The following LPAR1 variants were observed in gnomAD, a reference collection of about 807,000 sequenced individuals.
LPAR1 encodes the protein lysophosphatidic acid receptor 1, also known as LPA receptor 1.
A neutral mutation model predicts 23.8 loss-of-function variants in LPAR1; 5 were observed. That is an observed-to-expected ratio of 0.21 (90% CI 0.11 to 0.44). The LOEUF is 0.44. Among genes scored for constraint, LPAR1 ranks in the 20% least tolerant of loss-of-function variants. The pLI is 0.99. For synonymous variants in LPAR1, 160 were observed against 164.7 expected (o/e 0.97, Z 0.22); for missense variants, 311 against 482.8 (o/e 0.64, Z 3.33).
intron 5 of LPAR1, among the ~76,000 whole-genome samples, chr9:110,902,222 G>T (rs1166159548): frequency 6.6e-6 from 1 of 152,034 alleles, no homozygotes; most frequent in East Asian, 1.9e-4. Flanking sequence ...CTACCAGGCT[G>T]GCCAGCGGTA....
intron 2 of LPAR1, among the ~76,000 whole-genome samples, chr9:111,025,400 T>C (rs1013252270): frequency 1.3e-5 from 2 of 152,190 alleles, no homozygotes; most frequent in Admixed American, 6.5e-5. Context: ...GGAGTTCTTT[T>C]TTTCTTGTAA....
chr9:111,008,306 AAAC>A (rs1161470180), intron 2 of LPAR1, among the ~76,000 whole-genome samples: 2 of 152,214 alleles, frequency 1.3e-5, no homozygotes, highest in Non-Finnish European at 2.9e-5. Context: ...TCTAGCACAA[AAAC>A]ATGTAAAACT....
At chr9:110,927,194 T>G (rs1444583304) in intron 5 of LPAR1, among the ~76,000 whole-genome samples, 1 of 151,996 alleles carries the variant, frequency 6.6e-6, no homozygotes, top group Non-Finnish European at 1.5e-5. Context: ...CTAACGCCTT[T>G]GCAACTACAC....
At chr9:110,904,808 T>G (rs2090646072) in intron 5 of LPAR1, among the ~76,000 whole-genome samples, 1 of 152,236 alleles carries the variant, frequency 6.6e-6, no homozygotes, top group South Asian at 2.1e-4. Flanking sequence ...GTTTTAATTC[T>G]TCTCATCCAT....
At chr9:110,909,330 T>C (rs62573183) in intron 5 of LPAR1, among the ~76,000 whole-genome samples, 17,953 of 152,072 alleles carry the variant, frequency 0.12, 1,110 homozygotes, top group South Asian at 0.13. Flanking sequence ...TACATGATCC[T>C]AGCACCTTCT....
intron 4 of LPAR1, among the ~76,000 whole-genome samples, chr9:110,961,617 C>CAAAAAA (rs57773067): frequency 1.1e-4 from 9 of 79,842 alleles, no homozygotes; most frequent in East Asian, 3.8e-4. Context: ...GAGACTATCT[C>CAAAAAA]AAAAAAAAAA....
chr9:110,913,622 C>G (rs2092725659), intron 5 of LPAR1, among the ~76,000 whole-genome samples: 1 of 151,982 alleles, frequency 6.6e-6, no homozygotes. Context: ...AGTAGACCAG[C>G]AGATAAGCCT....
intron 3 of LPAR1, among the ~76,000 whole-genome samples, chr9:110,972,518 T>C (rs1588624397): frequency 6.6e-6 from 1 of 152,212 alleles, no homozygotes. Flanking sequence ...GGAAAAGCCA[T>C]CCTGCCATTA....
chr9:110,917,472 C>A (rs945453118), intron 5 of LPAR1, among the ~76,000 whole-genome samples: 1 of 152,188 alleles, frequency 6.6e-6, no homozygotes, highest in Non-Finnish European at 1.5e-5. Context: ...TATTAGAAAG[C>A]CACATGACTG....
chr9:111,016,669 T>G (rs1403639193), intron 2 of LPAR1, among the ~76,000 whole-genome samples: 1 of 152,232 alleles, frequency 6.6e-6, no homozygotes, highest in Non-Finnish European at 1.5e-5. Context: ...TTAATAACCT[T>G]GAACTTACTG....
At chr9:111,034,604 C>A (rs2097857868) in intron 2 of LPAR1, among the ~76,000 whole-genome samples, 1 of 152,226 alleles carries the variant, frequency 6.6e-6, no homozygotes, top group South Asian at 2.1e-4. Flanking sequence ...TATTCTACAA[C>A]CTTTATATAA....
At chr9:111,037,252 T>A (rs2097912417) in intron 1 of LPAR1, among the ~76,000 whole-genome samples, 1 of 152,168 alleles carries the variant, frequency 6.6e-6, no homozygotes, top group Admixed American at 6.5e-5. Flanking sequence ...TACCAATATC[T>A]ATCTAACCCC....
At chr9:110,933,878 A>G (rs2094538141) in intron 5 of LPAR1, among the ~76,000 whole-genome samples, 4 of 152,164 alleles carry the variant, frequency 2.6e-5, no homozygotes. Flanking sequence ...TTTCTGTTTA[A>G]ACGTTTCTTC....
At chr9:110,913,853 G>A (rs2092755974) in intron 5 of LPAR1, among the ~76,000 whole-genome samples, 1 of 152,162 alleles carries the variant, frequency 6.6e-6, no homozygotes, top group Admixed American at 6.5e-5. Flanking sequence ...TAGATGAAAG[G>A]TTACATGCTC....
chr9:110,943,576 A>G (rs10817117), intron 4 of LPAR1, among the ~76,000 whole-genome samples: 1,679 of 152,294 alleles, frequency 0.011, 20 homozygotes, highest in South Asian at 0.016. Flanking sequence ...AAGAGATCAC[A>G]GTCCAGGGCA....
rs1382013613 is a variant in LPAR1, at chr9:110,894,633, G to T, written c.794-18911C>A. On this transcript the variant is annotated intron_variant, in intron 5 of 5. Coordinates refer to ENST00000683809, the MANE Select transcript of LPAR1 (RefSeq NM_001351411.2). ...CATAGTCACAGAGTGACACCAGGCT[G>T]TCCTTTAATCTGAAACAATTCTGAA... 2.0e-5 allele frequency among the ~76,000 whole-genome samples: 3 copies of T among 152,200 alleles called. No homozygotes were observed. In the East Asian group the frequency reaches 5.8e-4, roughly 29 times the overall value.
intron 5 of LPAR1, among the ~76,000 whole-genome samples, chr9:110,925,547 C>T (rs1221926745): frequency 6.6e-6 from 1 of 152,088 alleles, no homozygotes; most frequent in Non-Finnish European, 1.5e-5. Flanking sequence ...AGTGGAATCC[C>T]CATATAGAAC....
intron 5 of LPAR1, among the ~76,000 whole-genome samples, chr9:110,884,876 G>A (rs2132754399): frequency 6.6e-6 from 1 of 152,206 alleles, no homozygotes; most frequent in African/African-American, 2.4e-5. Context: ...AAAAATTGAT[G>A]GATCCTTGAT....
intron 4 of LPAR1, among the ~76,000 whole-genome samples, chr9:110,963,167 T>C (rs979930472): frequency 1.3e-5 from 2 of 152,172 alleles, no homozygotes; most frequent in South Asian, 2.1e-4. Context: ...TAAACAAACA[T>C]GAAAGGTGTC....
Sources: gnomAD v4.1 joint callset for allele counts (sites outside exome capture counted in the v4.1 genomes callset) on GRCh38, gnomAD v4.1.1 for gene constraint, MANE v1.5 for transcripts, NCBI Gene and HGNC (gene_info 2026-07-23, HGNC 2026-07-21) for gene names.